UST: variants seen among roughly 807,000 people sequenced by gnomAD.
The protein encoded by UST is uronyl 2-sulfotransferase, also known as chondroitin sulfate 2-O-sulfotransferase.
Under a neutral mutation model 45.6 loss-of-function variants are expected in UST, and 21 were observed. The observed-to-expected ratio is 0.46, with a 90% confidence interval of 0.33 to 0.66. UST has a LOEUF of 0.66. Ranked by LOEUF, UST falls within the 30% of genes least tolerant of loss-of-function variation. The pLI, the probability that UST is intolerant of heterozygous loss-of-function variation, is 0.02. For missense variants in UST, 463 were observed against 512.4 expected, an observed-to-expected ratio of 0.90 and a Z score of 0.93; for synonymous variants, 215 against 200.6, an observed-to-expected ratio of 1.07 and a Z score of -0.61.
chr6:148,861,004 G>T (rs1167284563), intron 1 of UST, among the ~76,000 whole-genome samples: 2 of 152,196 alleles, frequency 1.3e-5, no homozygotes, highest in Non-Finnish European at 2.9e-5. Context: ...GATGATGCTG[G>T]CCTCATAAAA....
chr6:148,867,327 CAT>C (rs1346630009), intron 1 of UST, among the ~76,000 whole-genome samples: 11,604 of 92,510 alleles, frequency 0.13, 578 homozygotes, highest in South Asian at 0.22. Context: ...CACACACACA[CAT>C]ATATATGTAC....
chr6:148,922,887 G>A (rs1779740257), intron 2 of UST, among the ~76,000 whole-genome samples: 1 of 152,092 alleles, frequency 6.6e-6, no homozygotes, highest in Non-Finnish European at 1.5e-5. Context: ...CCACCTCCCA[G>A]GTTCAAGCAG....
rs1176217246 is a variant in UST at position 149,074,604 on chromosome 6, G to C, written c.*488G>C. Reference sequence around the variant, plus strand: ...GACATCGAAAAGGAGGATGGAGCCAGGTGCCATGGCTTGAGCCTATAATCC... The same window carrying C: ...GACATCGAAAAGGAGGATGGAGCCACGTGCCATGGCTTGAGCCTATAATCC... On this transcript the variant is annotated 3_prime_UTR_variant, in exon 8 of 8. Transcript: ENST00000367463. The C allele has an allele frequency of 6.2e-6, 1 of 161,828 alleles. No individual in the cohort carries two copies. The highest frequency in any genetic ancestry group is 2.4e-5 in the African/African-American group (1 of 41,542). 10.0% of individuals were successfully genotyped at this position (161,828 alleles called of 1,614,324 possible).
chr6:148,873,556 G>A (rs947448319), intron 1 of UST, among the ~76,000 whole-genome samples: 5 of 152,154 alleles, frequency 3.3e-5, no homozygotes, highest in Non-Finnish European at 7.3e-5. Context: ...GCCTCAAAGG[G>A]ATGAAGATCT....
intron 1 of UST, among the ~76,000 whole-genome samples, chr6:148,760,199 C>T (rs149889000): frequency 7.2e-5 from 11 of 152,276 alleles, no homozygotes; most frequent in Non-Finnish European, 8.8e-5. Flanking sequence ...TCCACCTCCG[C>T]CAGAACTTGC....
chr6:148,931,068 C>T (rs1004550904), intron 2 of UST, among the ~76,000 whole-genome samples: 3 of 152,172 alleles, frequency 2.0e-5, no homozygotes, highest in Non-Finnish European at 4.4e-5. Flanking sequence ...TGAGGGCAGT[C>T]TCTTCTTCTG....
intron 1 of UST, among the ~76,000 whole-genome samples, chr6:148,813,385 A>T (rs1221091912): frequency 1.4e-5 from 2 of 146,888 alleles, no homozygotes; most frequent in Non-Finnish European, 3.0e-5. Flanking sequence ...TAACAGAATA[A>T]TTTTTTTTTT....
At chr6:148,831,067 AG>A (rs200360637) in intron 1 of UST, among the ~76,000 whole-genome samples, 49 of 142,958 alleles carry the variant, frequency 3.4e-4, no homozygotes, top group African/African-American at 7.7e-4. Flanking sequence ...AAGAAAGAAA[AG>A]GGGGGGGTGG....
At chr6:148,850,881 C>T (rs914437185) in intron 1 of UST, among the ~76,000 whole-genome samples, 4 of 152,312 alleles carry the variant, frequency 2.6e-5, no homozygotes, top group East Asian at 1.9e-4. Context: ...AAGATTTTCC[C>T]GTTGTATCAT....
intron 1 of UST, among the ~76,000 whole-genome samples, chr6:148,762,529 TTCTA>T (rs1282334008): frequency 2.0e-5 from 3 of 151,032 alleles, no homozygotes; most frequent in Non-Finnish European, 3.0e-5. Context: ...CTGGGCAGGC[TTCTA>T]TCTTTTTTTT....
chr6:148,965,989 C>A (rs577632871), intron 5 of UST, among the ~76,000 whole-genome samples: 1 of 150,780 alleles, frequency 6.6e-6, no homozygotes, highest in African/African-American at 2.4e-5. Flanking sequence ...TTTGGGAGGC[C>A]GAGGCAGGTG....
At chr6:149,008,737 C>G (rs1309795832) in intron 5 of UST, among the ~76,000 whole-genome samples, 2 of 152,184 alleles carry the variant, frequency 1.3e-5, no homozygotes, top group East Asian at 3.9e-4. Flanking sequence ...GAAGAGAAGC[C>G]CTTTATTTCA....
chr6:148,817,733 G>A (rs915276829), intron 1 of UST, among the ~76,000 whole-genome samples: 1 of 152,158 alleles, frequency 6.6e-6, no homozygotes, highest in Non-Finnish European at 1.5e-5. Context: ...GAGATAATAG[G>A]TTGTAAAGTG....
intron 1 of UST, among the ~76,000 whole-genome samples, chr6:148,845,408 A>T (rs1236210361): frequency 2.0e-5 from 3 of 152,034 alleles, no homozygotes; most frequent in Non-Finnish European, 4.4e-5. Flanking sequence ...CCGTGTTGTG[A>T]TATGTAAAGA....
At chr6:148,892,595 C>G (rs1218496532) in intron 2 of UST, among the ~76,000 whole-genome samples, 1 of 152,144 alleles carries the variant, frequency 6.6e-6, no homozygotes, top group African/African-American at 2.4e-5. Flanking sequence ...AATAAAAATT[C>G]AGTTTCTCCA....
Position 148,921,125 on chromosome 6 carries a change from A to G in UST, c.292-20154A>G, listed in dbSNP as rs571897228. Among the ~76,000 whole-genome samples the G allele has an allele frequency of 1.6e-4, 25 of 152,364 alleles. 1 individual carries two copies. The highest frequency in any genetic ancestry group is 4.6e-4 in the Admixed American group (7 of 15,306). ...TAATTAGTTCTAACAAGGAAGGTTT[A>G]AATAACATCAGTTAATGGCCAATTG... On this transcript the variant is annotated intron_variant, in intron 2 of 7. Transcript: ENST00000367463.
chr6:148,892,291 C>T (rs1012437088), intron 2 of UST, among the ~76,000 whole-genome samples: 4 of 152,162 alleles, frequency 2.6e-5, no homozygotes, highest in African/African-American at 9.7e-5. Context: ...AATCTCATCT[C>T]TCTTTCTGTC....
At chr6:148,795,591 A>G (rs939314520) in intron 1 of UST, among the ~76,000 whole-genome samples, 14 of 152,140 alleles carry the variant, frequency 9.2e-5, no homozygotes, top group African/African-American at 3.4e-4. Flanking sequence ...TATTTTACCC[A>G]GGGACTTTTA....
At chr6:148,815,572 A>G (rs1218698533) in intron 1 of UST, among the ~76,000 whole-genome samples, 5 of 152,212 alleles carry the variant, frequency 3.3e-5, no homozygotes, top group African/African-American at 1.2e-4. Flanking sequence ...GAAAAAATAC[A>G]TACCACATGG....
Sources: gnomAD v4.1 joint callset for allele counts (sites outside exome capture counted in the v4.1 genomes callset) on GRCh38, gnomAD v4.1.1 for gene constraint, MANE v1.5 for transcripts, NCBI Gene and HGNC (gene_info 2026-07-23, HGNC 2026-07-21) for gene names.